TMTC4: variants seen among roughly 807,000 people sequenced by gnomAD.
TMTC4 encodes the protein protein O-mannosyl-transferase TMTC4.
Under a neutral mutation model 86.0 loss-of-function variants are expected in TMTC4, and 65 were observed. The ratio of observed to expected loss-of-function variants is 0.76; its 90% CI spans 0.62 to 0.93. The LOEUF (loss-of-function observed/expected upper bound fraction) is 0.93, where lower values mean the gene tolerates loss of function less well. TMTC4 is among the 40% of genes least tolerant of loss of function. The probability of loss-of-function intolerance (pLI) is 0.00; values close to 1 mark genes in which losing one functional copy is unlikely to be tolerated. For synonymous variants in TMTC4, 379 were observed against 382.5 expected (o/e 0.99, Z 0.11); for missense variants, 866 against 948.1 (o/e 0.91, Z 1.14).
intron 4 of TMTC4, 132 bp downstream of exon 4, chr13:100,664,089 G>T: frequency 1.6e-6 from 1 of 632,734 alleles, no homozygotes; most frequent in Non-Finnish European, 2.6e-6. Flanking sequence ...CCATGTATAT[G>T]AGCAGCTCAG....
chr13:100,675,005 C>T (rs933671772), upstream of TMTC4: 3 of 985,458 alleles, frequency 3.0e-6, no homozygotes, highest in Non-Finnish European at 3.6e-6. Context: ...TTGGCGGACG[C>T]GCCGGTGACG....
chr13:100,620,274 A>G (rs1213905540), intron 15 of TMTC4, among the ~76,000 whole-genome samples: 3 of 151,950 alleles, frequency 2.0e-5, no homozygotes. Flanking sequence ...GGGAGAGGGG[A>G]GCAGTCCTTT....
chr13:100,663,079 G>C lies in TMTC4; in HGVS notation c.437C>G (p.Ser146Trp), dbSNP rs1160413350. The part of the protein sequence containing the change: ...GISVLMVDVF[S>W]VLFGGLQYTS... ...GTACTGCAGGCCGCCAAACAGAACCGAGAAGACGTCCACCATGAGGACAGA... is the reference window on the plus strand; with the variant it reads ...GTACTGCAGGCCGCCAAACAGAACCCAGAAGACGTCCACCATGAGGACAGA... Residue 146 changes from serine to tryptophan, a missense_variant, in exon 5 of 19, where the codon TCG (serine) becomes TGG (tryptophan). Ser to Trp is a radical substitution (Grantham distance 177, BLOSUM62 -3). Transcript: ENST00000342624. 6.2e-7 allele frequency: 1 copy of C among 1,614,232 alleles called. No individual in the cohort carries two copies. The highest frequency in any genetic ancestry group is 8.5e-7 in the Non-Finnish European group (1 of 1,180,044).
intron 12 of TMTC4, 47 bp from the exon 13 acceptor site, chr13:100,626,197 C>A: frequency 6.3e-7 from 1 of 1,579,820 alleles, no homozygotes; most frequent in South Asian, 1.1e-5. Flanking sequence ...ACTTCTTGTT[C>A]AGAGCCTGGA....
chr13:100,611,586 A>C (rs1258915898), intron 17 of TMTC4, among the ~76,000 whole-genome samples: 4 of 152,230 alleles, frequency 2.6e-5, no homozygotes, highest in African/African-American at 7.2e-5. Flanking sequence ...CTCCGTCTCA[A>C]AAAAAACAAA....
At chr13:100,635,298 G>T in intron 10 of TMTC4, 103 bp from the exon 11 acceptor site, 1 of 1,222,884 alleles carries the variant, frequency 8.2e-7, no homozygotes, top group Non-Finnish European at 1.1e-6. Context: ...TCTTTTCCAT[G>T]GCATCAACTG....
chr13:100,612,519 G>C lies in TMTC4; in HGVS notation c.1952-9C>G, dbSNP rs1877768815. 1 of 1,589,052 alleles carries C rather than the reference G, an allele frequency of 6.3e-7. No individual in the cohort carries two copies. The highest frequency in any genetic ancestry group is 8.6e-7 in the Non-Finnish European group (1 of 1,161,734). On this transcript the variant is annotated splice_polypyrimidine_tract_variant and intron_variant, in intron 16 of 18. Coordinates refer to ENST00000342624, the MANE Select transcript of TMTC4 (RefSeq NM_032813.5). ...AGCTTGGGCTAAATTACCTGGGAGT[G>C]AAAAATGGAAAAATAAAAGACATGT...
chr13:100,623,222 T>G (rs559741822), intron 15 of TMTC4, among the ~76,000 whole-genome samples: 50 of 152,272 alleles, frequency 3.3e-4, no homozygotes, highest in African/African-American at 1.2e-3. Context: ...GGTGATTCAT[T>G]ATTGTTATTT....
At chr13:100,623,876 C>G in intron 15 of TMTC4, 1 of 495,352 alleles carries the variant, frequency 2.0e-6, no homozygotes, top group South Asian at 1.5e-5. Flanking sequence ...CAGATGCACC[C>G]ACTATTCTCT....
Position 100,642,268 on chromosome 13 carries a change from C to T in TMTC4, c.684G>A (p.Leu228=). 6.2e-7 allele frequency: 1 copy of T among 1,614,226 alleles called. No homozygotes were observed. The highest frequency in any genetic ancestry group is 8.5e-7 in the Non-Finnish European group (1 of 1,180,034). The change falls in exon 7 of 19, where the codon CTG becomes CTA. Residue 228 remains leucine (L), a synonymous_variant. Transcript: ENST00000342624. ...GAHSSTFWVL[L]SIFLGAVAML... is the part of the protein sequence containing the mutation. ...TGGCCACTGCTCCCAGAAAGATACT[C>T]AGCAGCACCCAGAAGGTGGAAGAAT... is the stretch of plus-strand genomic sequence containing the variant.
chr13:100,629,870 A>C (rs556181465), intron 12 of TMTC4, among the ~76,000 whole-genome samples: 1 of 152,296 alleles, frequency 6.6e-6, no homozygotes, highest in Non-Finnish European at 1.5e-5. Context: ...TGTGCACAGA[A>C]GACACACCAC....
chr13:100,654,597 ATT>A (rs780125621), intron 6 of TMTC4, among the ~76,000 whole-genome samples: 3 of 152,052 alleles, frequency 2.0e-5, no homozygotes, highest in Non-Finnish European at 2.9e-5. Context: ...TGTAATATAT[ATT>A]AATATACAAA....
At chr13:100,633,869 A>C (rs1022891647) in intron 12 of TMTC4, among the ~76,000 whole-genome samples, 1 of 152,196 alleles carries the variant, frequency 6.6e-6, no homozygotes, top group Non-Finnish European at 1.5e-5. Flanking sequence ...GGTCGGGTGC[A>C]GTGGCTCACG....
At chr13:100,641,741 C>T (rs1883045899) in intron 7 of TMTC4, among the ~76,000 whole-genome samples, 1 of 152,182 alleles carries the variant, frequency 6.6e-6, no homozygotes, top group Non-Finnish European at 1.5e-5. Flanking sequence ...CCCGCCTTGG[C>T]CTCCCAAAGT....
Position 100,614,364 on chromosome 13 carries a change from CT to C in TMTC4, c.1902del (p.Glu635SerfsTer9). Reference sequence around the variant, plus strand: ...ATGTTGTTCCAGGCCAGGCTGTGCTCTGGTTTCAGCACGGTGGCATTTCTCC... The same window carrying C: ...ATGTTGTTCCAGGCCAGGCTGTGCTCGGTTTCAGCACGGTGGCATTTCTCC... ...NAWRNATVLKPEHSLAWNNMI... is the reference protein window; with the variant it reads ...NAWRNATVLKXEHSLAWNNMI... On this transcript the variant is annotated frameshift_variant, in exon 16 of 19. Coordinates refer to ENST00000342624, the MANE Select transcript of TMTC4 (RefSeq NM_032813.5). LOFTEE classifies it high-confidence loss of function. 6.2e-7 allele frequency: 1 copy of C among 1,613,884 alleles called. No homozygotes were observed. The highest frequency in any genetic ancestry group is 8.5e-7 in the Non-Finnish European group (1 of 1,179,988).
At chr13:100,619,842 T>C (rs978027981) in intron 15 of TMTC4, among the ~76,000 whole-genome samples, 8 of 152,244 alleles carry the variant, frequency 5.3e-5, no homozygotes, top group Admixed American at 2.6e-4. Flanking sequence ...CACCAAGTGA[T>C]ATGCATTTGA....
intron 6 of TMTC4, among the ~76,000 whole-genome samples, chr13:100,650,855 T>G (rs532159390): frequency 1.3e-3 from 192 of 152,368 alleles, no homozygotes; most frequent in African/African-American, 4.3e-3. Flanking sequence ...AGCAGTGTGA[T>G]TCTAAGTCAA....
At chr13:100,616,580 GTTCT>G (rs1485204430) in intron 15 of TMTC4, among the ~76,000 whole-genome samples, 1 of 152,176 alleles carries the variant, frequency 6.6e-6, no homozygotes, top group Non-Finnish European at 1.5e-5. Context: ...GCAGTTCTAA[GTTCT>G]TTGAGAAATC....
rs1369124691 is a variant in TMTC4, at chr13:100,635,159, T to A, written c.1239A>T (p.Pro413=). The A allele has an allele frequency of 2.5e-6, 4 of 1,612,130 alleles. No homozygotes were observed. The highest frequency in any genetic ancestry group is 2.5e-6 in the Non-Finnish European group (3 of 1,179,246). ...AGAACAGGTTACTCGCGGGGAGAAATGGGATAACGAGAAATCCCAGGCCCA... is the reference window on the plus strand; with the variant it reads ...AGAACAGGTTACTCGCGGGGAGAAAAGGGATAACGAGAAATCCCAGGCCCA... ...LTLGLGFLVI[P]FLPASNLFFR... is the part of the protein sequence containing the mutation. Residue 413 remains proline (P), a synonymous_variant, in exon 11 of 19, where the codon CCA becomes CCT. Coordinates refer to ENST00000342624, the MANE Select transcript of TMTC4 (RefSeq NM_032813.5).
Sources: gnomAD v4.1 joint callset for allele counts (sites outside exome capture counted in the v4.1 genomes callset) on GRCh38, gnomAD v4.1.1 for gene constraint, MANE v1.5 for transcripts, NCBI Gene and HGNC (gene_info 2026-07-23, HGNC 2026-07-21) for gene names.